The following PCDH11X variants were observed in gnomAD, a reference collection of about 807,000 sequenced individuals.
The protein encoded by PCDH11X is protocadherin-11 X-linked.
In PCDH11X, 18 loss-of-function variants were observed where a neutral mutation model predicts 53.3. The observed-to-expected ratio is 0.34, with a 90% CI of 0.23 to 0.50. The LOEUF (loss-of-function observed/expected upper bound fraction) is 0.50, where lower values mean the gene tolerates loss of function less well. PCDH11X is among the 20% of genes least tolerant of loss of function. PCDH11X has a pLI of 0.98. For synonymous variants in PCDH11X, 279 were observed against 393.3 expected, an observed-to-expected ratio of 0.71 and a Z score of 3.44; for missense variants, 570 against 1,032.4, an observed-to-expected ratio of 0.55 and a Z score of 6.14.
chrX:92,096,383 GA>G (rs1272365638), intron 6 of PCDH11X, among the ~76,000 whole-genome samples: 2 of 109,512 alleles, frequency 1.8e-5, no homozygotes, highest in Non-Finnish European at 3.8e-5. Context: ...TAAGAGGACT[GA>G]ATGAATAGAC....
In PCDH11X at chrX:91,816,151, C is replaced by T. The variant is rs1328350120; in HGVS notation, c.-45+4856C>T. On this transcript the variant is annotated intron_variant, in intron 4 of 10. Coordinates refer to ENST00000682573, the MANE Select transcript of PCDH11X (RefSeq NM_032968.5). ...CCCACACCCCCCCAAAAAAAATCTCCAATACGCAAAATGCCTATATAAGTT... is the reference window on the plus strand; with the variant it reads ...CCCACACCCCCCCAAAAAAAATCTCTAATACGCAAAATGCCTATATAAGTT... Among the ~76,000 whole-genome samples the T allele has an allele frequency of 2.7e-5, 3 of 110,975 alleles. No homozygotes were observed. In the Admixed American group the frequency reaches 2.9e-4, roughly 11 times the overall value.
intron 9 of PCDH11X, among the ~76,000 whole-genome samples, chrX:92,406,909 A>G (rs1381181123): frequency 1.0e-5 from 1 of 96,013 alleles, no homozygotes; most frequent in African/African-American, 3.9e-5. Flanking sequence ...CCCGGGCAAC[A>G]GAGTGAAATT....
intron 10 of PCDH11X, among the ~76,000 whole-genome samples, chrX:92,595,212 C>G (rs1164633531): frequency 1.8e-5 from 2 of 108,638 alleles, no homozygotes; most frequent in Non-Finnish European, 3.8e-5. Flanking sequence ...TCTACACAGT[C>G]CCTGTTTAGG....
At chrX:91,962,881 G>A (rs1308639632) in intron 6 of PCDH11X, among the ~76,000 whole-genome samples, 1 of 111,483 alleles carries the variant, frequency 9.0e-6, no homozygotes, top group African/African-American at 3.3e-5. Context: ...ATCCTCCAAA[G>A]TAACAGCCTG....
At chrX:91,937,760 T>C (rs2061462616) in intron 6 of PCDH11X, among the ~76,000 whole-genome samples, 1 of 111,079 alleles carries the variant, frequency 9.0e-6, no homozygotes, top group Non-Finnish European at 1.9e-5. Flanking sequence ...AATTTCAACA[T>C]CTGGTACAGT....
At chrX:91,800,095 A>G (rs1935879981) in intron 1 of PCDH11X, among the ~76,000 whole-genome samples, 1 of 111,975 alleles carries the variant, frequency 8.9e-6, no homozygotes, top group South Asian at 3.7e-4. Context: ...TCTCAAAAAG[A>G]AAATATTTTT....
Position 92,618,541 on chromosome X carries a change from G to A in PCDH11X, c.3645G>A (p.Gln1215=), listed in dbSNP as rs769882682. The change falls in exon 11 of 11, where the codon CAG becomes CAA. Residue 1215 remains glutamine (Q), a synonymous_variant. Transcript: ENST00000682573. ...TGTGCCACAGCCCACCACCGATACA[G>A]GTGTCTGCTCTCCACCACAGTCCTC... ...IALCHSPPPI[Q]VSALHHSPPL... 1.6e-5 allele frequency: 19 copies of A among 1,209,699 alleles called. No individual in the cohort carries two copies. The East Asian group carries it at 3.9e-4, about 25-fold the overall frequency.
intron 8 of PCDH11X, among the ~76,000 whole-genome samples, chrX:92,287,196 G>A (rs2068392968): frequency 9.0e-6 from 1 of 111,177 alleles, no homozygotes; most frequent in Admixed American, 9.6e-5. Flanking sequence ...TTTACTTTAA[G>A]TTTCAGGATA....
At chrX:92,379,185 C>G (rs1405898061) in intron 8 of PCDH11X, among the ~76,000 whole-genome samples, 1 of 112,783 alleles carries the variant, frequency 8.9e-6, no homozygotes, top group Non-Finnish European at 1.9e-5. Context: ...GGGACTGCTG[C>G]CCCAGGTATC....
intron 6 of PCDH11X, among the ~76,000 whole-genome samples, chrX:92,130,163 TAAAC>T (rs1015659450): frequency 1.8e-4 from 20 of 111,439 alleles, no homozygotes; most frequent in Admixed American, 1.5e-3. Flanking sequence ...TATTATTCAT[TAAAC>T]AAAAATTTGG....
chrX:92,517,363 T>A (rs2074288117), intron 10 of PCDH11X, among the ~76,000 whole-genome samples: 1 of 112,136 alleles, frequency 8.9e-6, no homozygotes, highest in Admixed American at 9.5e-5. Context: ...CAACAATTAG[T>A]AGTGACATAG....
At chrX:92,328,266 T>A (rs1318170784) in intron 8 of PCDH11X, among the ~76,000 whole-genome samples, 1 of 110,602 alleles carries the variant, frequency 9.0e-6, no homozygotes, top group Non-Finnish European at 1.9e-5. Flanking sequence ...CTCCTGGAAT[T>A]GTGAGCCCAG....
At chrX:91,875,622 G>T (rs1457430433) in intron 5 of PCDH11X, among the ~76,000 whole-genome samples, 6 of 109,931 alleles carry the variant, frequency 5.5e-5, no homozygotes, top group Non-Finnish European at 1.1e-4. Flanking sequence ...TTCCCATACT[G>T]TGACTTCGTG....
chrX:92,512,230 T>C (rs1053459508), intron 10 of PCDH11X, among the ~76,000 whole-genome samples: 1 of 111,014 alleles, frequency 9.0e-6, no homozygotes, highest in African/African-American at 3.3e-5. Flanking sequence ...TCAGTACCTC[T>C]CAGAAAGCAA....
intron 6 of PCDH11X, among the ~76,000 whole-genome samples, chrX:92,130,061 TATC>T (rs1473754680): frequency 9.0e-6 from 1 of 111,689 alleles, no homozygotes; most frequent in Non-Finnish European, 1.9e-5. Context: ...ATGTTTAAAA[TATC>T]AGCAATATAT....
intron 6 of PCDH11X, among the ~76,000 whole-genome samples, chrX:92,061,788 T>G (rs1201028521): frequency 9.0e-6 from 1 of 111,456 alleles, no homozygotes; most frequent in Non-Finnish European, 1.9e-5. Flanking sequence ...GGGTTGATTT[T>G]TTTGTTTGTT....
chrX:92,383,417 C>T (rs1403593916), intron 8 of PCDH11X, among the ~76,000 whole-genome samples: 13 of 108,469 alleles, frequency 1.2e-4, no homozygotes, highest in African/African-American at 4.4e-4. Context: ...TGGTGGTTTG[C>T]TGCATCCATC....
At chrX:92,205,608 T>G (rs1334147163) in intron 7 of PCDH11X, among the ~76,000 whole-genome samples, 1 of 104,287 alleles carries the variant, frequency 9.6e-6, no homozygotes, top group Non-Finnish European at 2.0e-5. Flanking sequence ...TTTTTTTTTT[T>G]TTTTTTTTTG....
intron 6 of PCDH11X, among the ~76,000 whole-genome samples, chrX:92,184,005 T>C (rs906842705): frequency 9.0e-6 from 1 of 111,478 alleles, no homozygotes. Flanking sequence ...TTATTGCCTT[T>C]TACATTCCAT....
Sources: allele counts gnomAD v4.1 joint callset (sites outside exome capture counted in the v4.1 genomes callset), GRCh38; gene constraint gnomAD v4.1.1; transcripts MANE v1.5; gene names NCBI Gene and HGNC (gene_info 2026-07-23, HGNC 2026-07-21).